The following NRXN1 variants were observed in gnomAD, a reference collection of about 807,000 sequenced individuals.
NRXN1 encodes neurexin 1.
NRXN1 carries 39 observed loss-of-function variants against 150.9 expected under a neutral mutation model. The ratio of observed to expected loss-of-function variants is 0.26; its 90% CI spans 0.20 to 0.34. The LOEUF (loss-of-function observed/expected upper bound fraction) is 0.34, where lower values mean the gene tolerates loss of function less well. NRXN1 is among the 10% of genes least tolerant of loss of function. The pLI is 1.00. For synonymous variants in NRXN1, 924 were observed against 757.0 expected, an observed-to-expected ratio of 1.22 and a Z score of -3.62; for missense variants, 1,815 against 1,949.9, an observed-to-expected ratio of 0.93 and a Z score of 1.30.
chr2:50,944,349 G>A (rs180982197), intron 2 of NRXN1, among the ~76,000 whole-genome samples: 18 of 152,254 alleles, frequency 1.2e-4, no homozygotes. Context: ...ACTCTCTAAT[G>A]TGACACTGGG....
chr2:50,865,580 A>ATGTGTGTGTGTGTG lies in NRXN1; in HGVS notation c.832+56275_832+56288dup, dbSNP rs112867077. ...TCTCTAAGTGGCTCCAAATATATAA[A>ATGTGTGTGTGTGTG]TGTGTGTGTGTGTGTGTGTGTGTGT... On this transcript the variant is annotated intron_variant, in intron 5 of 22. Transcript: ENST00000401669. Among the ~76,000 whole-genome samples, 485 of 130,762 alleles carry ATGTGTGTGTGTGTG rather than the reference A, an allele frequency of 3.7e-3. 1 individual carries two copies. Among genetic ancestry groups the ATGTGTGTGTGTGTG allele is most frequent in the East Asian group, 7.4e-3 (32 of 4,340 alleles). The allele number at this position is 130,762 out of a possible 152,430, so 85.8% of individuals were successfully genotyped here.
At chr2:50,046,042 C>T (rs1049671459) in intron 21 of NRXN1, among the ~76,000 whole-genome samples, 6 of 152,172 alleles carry the variant, frequency 3.9e-5, no homozygotes, top group African/African-American at 1.4e-4. Flanking sequence ...TTGCAAGATT[C>T]AGTATCACAC....
intron 8 of NRXN1, among the ~76,000 whole-genome samples, chr2:50,553,236 G>A (rs928393572): frequency 2.6e-5 from 4 of 152,198 alleles, no homozygotes; most frequent in African/African-American, 9.6e-5. Flanking sequence ...TTCAAATAAT[G>A]TGTGTGCAGA....
At chr2:50,012,569 C>T (rs1360214783) in intron 21 of NRXN1, among the ~76,000 whole-genome samples, 1 of 152,074 alleles carries the variant, frequency 6.6e-6, no homozygotes, top group African/African-American at 2.4e-5. Flanking sequence ...TTTTCCACCT[C>T]CATTCATCTT....
At chr2:50,309,005 T>TA (rs1473398495) in intron 17 of NRXN1, among the ~76,000 whole-genome samples, 1 of 152,212 alleles carries the variant, frequency 6.6e-6, no homozygotes, top group Non-Finnish European at 1.5e-5. Context: ...AGCTGCCCAG[T>TA]AAATATTAGC....
chr2:50,305,012 C>T (rs1043541042), intron 17 of NRXN1, among the ~76,000 whole-genome samples: 6 of 152,080 alleles, frequency 3.9e-5, no homozygotes, highest in Non-Finnish European at 8.8e-5. Context: ...ATTGCTTGAA[C>T]GTGGGAGGCA....
In NRXN1 at chr2:50,979,518, T is replaced by C. The variant is rs148810249; in HGVS notation, c.772+47984A>G. On this transcript the variant is annotated intron_variant, in intron 2 of 22. Coordinates refer to ENST00000401669, the MANE Select transcript of NRXN1 (RefSeq NM_001330078.2). Reference sequence around the variant, plus strand: ...TCCCTTATCATGACAATGGAGGATATAACCTATATTTTCAATTATAAATTA... The same window carrying C: ...TCCCTTATCATGACAATGGAGGATACAACCTATATTTTCAATTATAAATTA... Among the ~76,000 whole-genome samples the C allele has an allele frequency of 7.0e-4, 107 of 152,210 alleles. No homozygotes were observed. The East Asian group carries it at 0.02, about 29-fold the overall frequency.
chr2:50,582,582 CA>C (rs1672451723), intron 8 of NRXN1, among the ~76,000 whole-genome samples: 1 of 144,504 alleles, frequency 6.9e-6, no homozygotes, highest in Non-Finnish European at 1.5e-5. Context: ...CGAACAGAGA[CA>C]GGGGAAGCCA....
chr2:50,276,747 G>A (rs1010677968), intron 17 of NRXN1, among the ~76,000 whole-genome samples: 3 of 152,290 alleles, frequency 2.0e-5, no homozygotes, highest in Admixed American at 6.5e-5. Context: ...TTGCCATCTT[G>A]TAGTCCTATA....
chr2:50,522,619 T>A (rs925316477), intron 12 of NRXN1, among the ~76,000 whole-genome samples: 13 of 151,880 alleles, frequency 8.6e-5, no homozygotes, highest in Admixed American at 2.0e-4. Flanking sequence ...CATGTAGTCA[T>A]CTAAATATGC....
intron 18 of NRXN1, among the ~76,000 whole-genome samples, chr2:50,135,232 T>C (rs774788166): frequency 5.9e-5 from 9 of 151,966 alleles, no homozygotes; most frequent in African/African-American, 9.7e-5. Context: ...CTGGGCAAAG[T>C]GATAACCAGA....
chr2:50,787,150 G>T (rs533702680), intron 5 of NRXN1, among the ~76,000 whole-genome samples: 2 of 152,232 alleles, frequency 1.3e-5, no homozygotes, highest in African/African-American at 4.8e-5. Flanking sequence ...GGAGAGCTTC[G>T]TGAAGAGGAT....
At chr2:50,407,072 G>C (rs888048485) in intron 17 of NRXN1, among the ~76,000 whole-genome samples, 2 of 152,054 alleles carry the variant, frequency 1.3e-5, no homozygotes, top group Admixed American at 1.3e-4. Context: ...CTTATTGATA[G>C]TAGTAATGAT....
At chr2:50,791,136 TTA>T (rs1705896471) in intron 5 of NRXN1, among the ~76,000 whole-genome samples, 1 of 150,010 alleles carries the variant, frequency 6.7e-6, no homozygotes, top group Non-Finnish European at 1.5e-5. Context: ...TTTTTTTTTT[TTA>T]AAAAAAAAGA....
intron 8 of NRXN1, among the ~76,000 whole-genome samples, chr2:50,591,438 A>AGATG (rs1558985224): frequency 6.9e-6 from 1 of 145,656 alleles, no homozygotes; most frequent in African/African-American, 2.5e-5. Context: ...ATAGATAGAT[A>AGATG]GATGTATACT....
intron 21 of NRXN1, among the ~76,000 whole-genome samples, chr2:49,962,454 T>C (rs1573074239): frequency 6.6e-6 from 1 of 152,188 alleles, no homozygotes; most frequent in Non-Finnish European, 1.5e-5. Flanking sequence ...ACTTTATAAA[T>C]TGAGAATGTA....
intron 2 of NRXN1, among the ~76,000 whole-genome samples, chr2:51,024,100 G>A (rs1235300481): frequency 6.6e-6 from 1 of 152,160 alleles, no homozygotes; most frequent in African/African-American, 2.4e-5. Flanking sequence ...GGATAGCTAT[G>A]AAATTCACTA....
Position 50,692,851 on chromosome 2 carries a change from A to C in NRXN1, c.833-69236T>G, listed in dbSNP as rs527834531. Among the ~76,000 whole-genome samples, 20 of 152,300 alleles carry C rather than the reference A, an allele frequency of 1.3e-4. No homozygotes were observed. In the East Asian group the frequency reaches 3.5e-3, roughly 26 times the overall value. On this transcript the variant is annotated intron_variant, in intron 5 of 22. Transcript: ENST00000401669. ...ATCAATCATTGTTTCTTCATCTATC[A>C]GTCAAAATGTTCATTTTGTGACTAT...
At chr2:50,899,593 G>T (rs1288296026) in intron 5 of NRXN1, among the ~76,000 whole-genome samples, 2 of 152,076 alleles carry the variant, frequency 1.3e-5, no homozygotes, top group African/African-American at 4.8e-5. Flanking sequence ...TTAAAAAAGG[G>T]GGTAGATTAT....
Sources: allele counts gnomAD v4.1 joint callset (sites outside exome capture counted in the v4.1 genomes callset), GRCh38; gene constraint gnomAD v4.1.1; transcripts MANE v1.5; gene names NCBI Gene and HGNC (gene_info 2026-07-23, HGNC 2026-07-21).